Variants in TENM3 observed in about 807,000 individuals in gnomAD.
The protein encoded by TENM3 is teneurin transmembrane protein 3, also known as teneurin-3.
A neutral mutation model predicts 255.1 loss-of-function variants in TENM3; 63 were observed. That is an observed-to-expected ratio of 0.25 (90% CI 0.20 to 0.30). TENM3 has a LOEUF of 0.30. Among genes scored for constraint, TENM3 ranks in the 10% least tolerant of loss-of-function variants. TENM3 has a pLI of 1.00. For missense variants in TENM3, 2,929 were observed against 3,461.1 expected, an observed-to-expected ratio of 0.85 and a Z score of 3.86; for synonymous variants, 1,306 against 1,322.3, an observed-to-expected ratio of 0.99 and a Z score of 0.27.
intron 3 of TENM3, among the ~76,000 whole-genome samples, chr4:182,580,526 G>A (rs1350906344): frequency 6.6e-6 from 1 of 151,692 alleles, no homozygotes; most frequent in African/African-American, 2.4e-5. Context: ...AGATCATGAT[G>A]TGACCATTTC....
chr4:182,329,124 T>C (rs1289815405), intron 2 of TENM3, among the ~76,000 whole-genome samples: 1 of 152,170 alleles, frequency 6.6e-6, no homozygotes, highest in African/African-American at 2.4e-5. Flanking sequence ...CCCAGCAGAC[T>C]CGCTACCTCC....
the TENM3 span, among the ~76,000 whole-genome samples, chr4:181,604,456 A>AG: frequency 4.7e-4 from 72 of 151,940 alleles, no homozygotes; most frequent in African/African-American, 1.7e-3. Context: ...ACTGTTTCCC[A>AG]GGGGGGACAT....
intron 3 of TENM3, among the ~76,000 whole-genome samples, chr4:182,552,994 A>G (rs1188558071): frequency 6.6e-6 from 1 of 152,236 alleles, no homozygotes; most frequent in African/African-American, 2.4e-5. Flanking sequence ...CGGGACATGC[A>G]TGATACTGAA....
chr4:182,391,378 C>T (rs1047659096), intron 3 of TENM3, among the ~76,000 whole-genome samples: 11 of 152,150 alleles, frequency 7.2e-5, no homozygotes, highest in Non-Finnish European at 1.6e-4. Flanking sequence ...TCTAGTACGA[C>T]TTGTTCCACT....
chr4:182,679,052 C>CCTGTCAGG, intron 7 of TENM3, among the ~76,000 whole-genome samples: 1 of 152,178 alleles, frequency 6.6e-6, no homozygotes, highest in Admixed American at 6.5e-5. Flanking sequence ...CACCCCAGGG[C>CCTGTCAGG]CTGTCAGGGT....
the TENM3 span, among the ~76,000 whole-genome samples, chr4:181,993,538 G>A: frequency 6.6e-6 from 1 of 152,080 alleles, no homozygotes; most frequent in South Asian, 2.1e-4. Context: ...AGAAACTAAT[G>A]AACTGGTTTC....
chr4:182,254,755 G>T (rs112205931), intron 1 of TENM3, among the ~76,000 whole-genome samples: 229 of 152,196 alleles, frequency 1.5e-3, no homozygotes, highest in African/African-American at 5.3e-3. Context: ...CATATTGTGT[G>T]ATATGTCCTC....
chr4:182,331,227 A>G (rs1395026308), intron 2 of TENM3, among the ~76,000 whole-genome samples: 1 of 152,340 alleles, frequency 6.6e-6, no homozygotes, highest in South Asian at 2.1e-4. Context: ...AATCTACTCT[A>G]TTACCTATCA....
intron 8 of TENM3, among the ~76,000 whole-genome samples, 166 bp downstream of exon 8, chr4:182,680,042 G>A (rs996180704): frequency 6.6e-6 from 1 of 152,206 alleles, no homozygotes; most frequent in African/African-American, 2.4e-5. Flanking sequence ...GTGACAAACT[G>A]TGAAGCACTG....
chr4:182,727,284 C>T (rs557962060), intron 13 of TENM3, among the ~76,000 whole-genome samples: 1 of 151,876 alleles, frequency 6.6e-6, no homozygotes, highest in African/African-American at 2.4e-5. Flanking sequence ...GGTGAGACCC[C>T]GTCTCTACTA....
chr4:182,385,901 A>G (rs543296336), intron 3 of TENM3, among the ~76,000 whole-genome samples: 1 of 152,314 alleles, frequency 6.6e-6, no homozygotes, highest in Admixed American at 6.5e-5. Flanking sequence ...GCATTCTTAT[A>G]AGGTAACTAA....
the TENM3 span, among the ~76,000 whole-genome samples, chr4:182,038,767 CT>C: frequency 2.0e-4 from 31 of 152,236 alleles, no homozygotes; most frequent in Non-Finnish European, 2.8e-4. Flanking sequence ...GAGTTTCACT[CT>C]TGTTGCCCAA....
At chr4:181,629,815 C>T in the TENM3 span, among the ~76,000 whole-genome samples, 1 of 152,140 alleles carries the variant, frequency 6.6e-6, no homozygotes, top group African/African-American at 2.4e-5. Flanking sequence ...TGTTGTATCC[C>T]TGCAAGGCTT....
intron 1 of TENM3, among the ~76,000 whole-genome samples, chr4:182,227,889 T>G (rs1251061605): frequency 6.6e-6 from 1 of 152,034 alleles, no homozygotes; most frequent in East Asian, 1.9e-4. Flanking sequence ...TGAGAATGGG[T>G]GGAGCGGCAG....
At chr4:181,508,129 T>C in the TENM3 span, among the ~76,000 whole-genome samples, 1 of 152,236 alleles carries the variant, frequency 6.6e-6, no homozygotes, top group African/African-American at 2.4e-5. Context: ...GTTGAAATAA[T>C]GAAGGAAGAG....
chr4:182,752,087 A>G (rs1036213953), intron 20 of TENM3, 55 bp downstream of exon 20: 15 of 1,136,652 alleles, frequency 1.3e-5, no homozygotes, highest in East Asian at 2.6e-5. Flanking sequence ...AAAAAAAAAA[A>G]AGGGGTTGAA....
the TENM3 span, among the ~76,000 whole-genome samples, chr4:181,807,185 G>A: frequency 1.1e-4 from 16 of 152,194 alleles, no homozygotes; most frequent in East Asian, 7.7e-4. Flanking sequence ...TAGACAAATC[G>A]CAAATTCCTC....
At chr4:181,989,023 A>T in the TENM3 span, among the ~76,000 whole-genome samples, 4 of 152,136 alleles carry the variant, frequency 2.6e-5, no homozygotes, top group African/African-American at 4.8e-5. Flanking sequence ...CTACTGTAGT[A>T]GACCTTGGCC....
intron 3 of TENM3, among the ~76,000 whole-genome samples, chr4:182,422,639 T>C (rs1048901323): frequency 2.0e-5 from 3 of 152,220 alleles, no homozygotes; most frequent in Non-Finnish European, 4.4e-5. Context: ...AACTTGAAAT[T>C]AGAATCGACT....
Sources: gnomAD v4.1 joint callset for allele counts (sites outside exome capture counted in the v4.1 genomes callset) on GRCh38, gnomAD v4.1.1 for gene constraint, MANE v1.5 for transcripts, NCBI Gene and HGNC (gene_info 2026-07-23, HGNC 2026-07-21) for gene names.